Variants in CEP128 observed in about 807,000 individuals in gnomAD.
CEP128 encodes the protein centrosomal protein 128kDa.
A neutral mutation model predicts 156.7 loss-of-function variants in CEP128; 132 were observed. The observed-to-expected ratio is 0.84, with a 90% CI of 0.73 to 0.97. The LOEUF (loss-of-function observed/expected upper bound fraction) is 0.97. CEP128 is among the 50% of genes least tolerant of loss of function. The pLI is 0.00. For missense variants in CEP128, 1,252 were observed against 1,281.9 expected, an observed-to-expected ratio of 0.98 and a Z score of 0.36; for synonymous variants, 469 against 448.9, an observed-to-expected ratio of 1.04 and a Z score of -0.57.
At chr14:80,801,435 G>A (rs1226179153) in intron 13 of CEP128, among the ~76,000 whole-genome samples, 1 of 149,344 alleles carries the variant, frequency 6.7e-6, no homozygotes, top group South Asian at 2.2e-4. Context: ...TTTATTGAGA[G>A]TTTTTAACAT....
chr14:80,908,081 A>C (rs1396526264), intron 4 of CEP128, among the ~76,000 whole-genome samples: 1 of 152,164 alleles, frequency 6.6e-6, no homozygotes, highest in African/African-American at 2.4e-5. Context: ...TTTGAAGGTA[A>C]TCTGCCTTTT....
intron 14 of CEP128, among the ~76,000 whole-genome samples, chr14:80,791,748 A>C (rs1426558021): frequency 1.3e-5 from 2 of 152,148 alleles, no homozygotes; most frequent in African/African-American, 4.8e-5. Context: ...CAGTGAGTGC[A>C]AAATGATCAT....
In CEP128 at chr14:80,743,085, A is replaced by G; in HGVS notation, c.2796T>C (p.Arg932=). 1.2e-6 allele frequency: 2 copies of G among 1,613,004 alleles called. No individual in the cohort carries two copies. Among genetic ancestry groups the G allele is most frequent in the Non-Finnish European group, 1.7e-6 (2 of 1,179,254 alleles). ...RQEQLLDEIH[R]EKRDLLEETQ... ...ACAACTAACACACACCTCTCTTCTC[A>G]CGATGTATTTCATCCAGAAGCTGCT... Residue 932 remains arginine, a synonymous_variant, in exon 19 of 25, where the codon CGT becomes CGC. Coordinates refer to ENST00000555265, the MANE Select transcript of CEP128 (RefSeq NM_152446.5).
chr14:80,546,088 T>C (rs1227930202), intron 21 of CEP128, among the ~76,000 whole-genome samples: 3 of 152,196 alleles, frequency 2.0e-5, no homozygotes, highest in Non-Finnish European at 4.4e-5. Context: ...AGAGTGGCAA[T>C]ACTAGGACAG....
At chr14:80,779,225 G>A (rs891224157) in intron 15 of CEP128, among the ~76,000 whole-genome samples, 1 of 152,016 alleles carries the variant, frequency 6.6e-6, no homozygotes, top group East Asian at 1.9e-4. Context: ...ATTTTTATAA[G>A]TTTATCATAT....
chr14:80,655,099 T>C (rs1275992610), intron 19 of CEP128, among the ~76,000 whole-genome samples: 1 of 152,170 alleles, frequency 6.6e-6, no homozygotes, highest in African/African-American at 2.4e-5. Context: ...CCTTAGGTAA[T>C]GTAATGTTTC....
At chr14:80,489,363 GATA>G (rs1434476308), downstream of CEP128, among the ~76,000 whole-genome samples, 1 of 151,250 alleles carries the variant, frequency 6.6e-6, no homozygotes, top group Admixed American at 6.6e-5. Context: ...TTACGAAAAG[GATA>G]ATAACACAGA....
At chr14:80,662,994 C>A in intron 19 of CEP128, among the ~76,000 whole-genome samples, 1 of 152,184 alleles carries the variant, frequency 6.6e-6, no homozygotes, top group Non-Finnish European at 1.5e-5. Context: ...AAAAGCAGTT[C>A]TAAACTTCTT....
At chr14:80,521,933 G>A (rs1888764560) in intron 23 of CEP128, among the ~76,000 whole-genome samples, 1 of 152,098 alleles carries the variant, frequency 6.6e-6, no homozygotes, top group African/African-American at 2.4e-5. Flanking sequence ...CTGTATAGGG[G>A]AGGCTTAAAA....
chr14:80,574,431 G>A (rs898619393), intron 20 of CEP128, among the ~76,000 whole-genome samples: 1 of 152,154 alleles, frequency 6.6e-6, no homozygotes, highest in African/African-American at 2.4e-5. Context: ...TATCCACCTG[G>A]TCGATCAATA....
chr14:80,938,389 G>A (rs1356043680), intron 2 of CEP128, among the ~76,000 whole-genome samples: 1 of 151,848 alleles, frequency 6.6e-6, no homozygotes, highest in African/African-American at 2.4e-5. Context: ...TGGGACTACA[G>A]GCGCCTGCCA....
At chr14:80,782,894 CTTTTAT>C (rs1256206043) in intron 15 of CEP128, among the ~76,000 whole-genome samples, 1 of 152,106 alleles carries the variant, frequency 6.6e-6, no homozygotes, top group Non-Finnish European at 1.5e-5. Flanking sequence ...GTCATATGGC[CTTTTAT>C]TTTTATTTGC....
At chr14:80,859,830 T>A (rs1241604081) in intron 9 of CEP128, among the ~76,000 whole-genome samples, 1 of 152,200 alleles carries the variant, frequency 6.6e-6, no homozygotes, top group Non-Finnish European at 1.5e-5. Context: ...ACCCGTGAGA[T>A]AACAGCAGCA....
chr14:80,601,733 TAG>T (rs1236581524), intron 19 of CEP128, among the ~76,000 whole-genome samples: 2 of 152,076 alleles, frequency 1.3e-5, no homozygotes, highest in Non-Finnish European at 2.9e-5. Flanking sequence ...TATCTAAACA[TAG>T]AGAAGATAAT....
intron 13 of CEP128, among the ~76,000 whole-genome samples, chr14:80,803,822 A>C (rs768448898): frequency 4.6e-5 from 7 of 152,236 alleles, no homozygotes; most frequent in Non-Finnish European, 7.3e-5. Flanking sequence ...TAGTGAAGAA[A>C]AAAAGCCACT....
intron 19 of CEP128, among the ~76,000 whole-genome samples, chr14:80,592,907 T>C (rs1366783357): frequency 6.6e-6 from 1 of 152,208 alleles, no homozygotes; most frequent in African/African-American, 2.4e-5. Context: ...GCCACATGAT[T>C]ATCTCAATAG....
intron 20 of CEP128, among the ~76,000 whole-genome samples, chr14:80,565,517 C>G (rs1310193288): frequency 6.6e-6 from 1 of 152,188 alleles, no homozygotes; most frequent in Non-Finnish European, 1.5e-5. Flanking sequence ...ATTCCCCTGT[C>G]TTGATAAATA....
intron 8 of CEP128, among the ~76,000 whole-genome samples, chr14:80,864,064 G>A (rs1354066155): frequency 3.9e-5 from 6 of 152,120 alleles, no homozygotes; most frequent in Non-Finnish European, 5.9e-5. Context: ...ACTTGAAGGC[G>A]GAAGACCTTT....
chr14:80,705,749 T>A (rs1423770329), intron 19 of CEP128, among the ~76,000 whole-genome samples: 1 of 152,106 alleles, frequency 6.6e-6, no homozygotes, highest in Non-Finnish European at 1.5e-5. Context: ...AGTGGTAACT[T>A]ATAGAGAGCC....
Sources: allele counts gnomAD v4.1 joint callset (sites outside exome capture counted in the v4.1 genomes callset), GRCh38; gene constraint gnomAD v4.1.1; transcripts MANE v1.5; gene names NCBI Gene and HGNC (gene_info 2026-07-23, HGNC 2026-07-21).